Variants in TTC23 observed in about 807,000 individuals in gnomAD.
TTC23 encodes the protein tetratricopeptide repeat protein 23.
Under a neutral mutation model 55.1 loss-of-function variants are expected in TTC23, and 58 were observed. The observed-to-expected ratio is 1.05, with a 90% CI of 0.85 to 1.31. The LOEUF is 1.31. Ranked by LOEUF, TTC23 falls within the 50% of genes most tolerant of loss-of-function variation. The pLI, the probability that TTC23 is intolerant of heterozygous loss-of-function variation, is 0.00. For missense variants in TTC23, 516 were observed against 534.4 expected (o/e 0.97, Z 0.34); for synonymous variants, 203 against 199.9 (o/e 1.02, Z -0.13).
intron 8 of TTC23, among the ~76,000 whole-genome samples, chr15:99,217,697 CA>C (rs1275488614): frequency 6.6e-6 from 1 of 152,144 alleles, no homozygotes; most frequent in African/African-American, 2.4e-5. Context: ...AACAAAAGAA[CA>C]AAGGGAATTG....
intron 9 of TTC23, among the ~76,000 whole-genome samples, chr15:99,185,764 A>G (rs2074603308): frequency 6.6e-6 from 1 of 152,028 alleles, no homozygotes; most frequent in African/African-American, 2.4e-5. Flanking sequence ...TTTCTTCCGG[A>G]CCCCTGCGGC....
intron 6 of TTC23, 106 bp from the exon 7 acceptor site, chr15:99,219,154 C>A: frequency 1.6e-6 from 2 of 1,277,672 alleles, no homozygotes; most frequent in South Asian, 1.5e-5. Context: ...CACATATTGT[C>A]AAATGACACA....
chr15:99,175,059 C>T lies in TTC23; in HGVS notation c.856G>A (p.Glu286Lys), dbSNP rs766153676. 7.2e-5 allele frequency: 116 copies of T among 1,613,868 alleles called. No individual in the cohort carries two copies. Among genetic ancestry groups the T allele is most frequent in the Non-Finnish European group, 9.5e-5 (112 of 1,179,964 alleles). ...AHAAVASGRH[E>K]HHDVAEQYFQ... Reference sequence around the variant, plus strand: ...AAAGGATTCTTCTCACCATGGTGCTCGTGTCTCCCTGAAGCGACAGCAGCA... The same window carrying T: ...AAAGGATTCTTCTCACCATGGTGCTTGTGTCTCCCTGAAGCGACAGCAGCA... Residue 286 changes from glutamate to lysine, a missense_variant, in exon 10 of 14, where the codon GAG becomes AAG. Physicochemically the swap from Glu to Lys is moderately conservative, Grantham distance 56. Coordinates refer to ENST00000394132, the MANE Select transcript of TTC23 (RefSeq NM_001288615.3).
intron 8 of TTC23, among the ~76,000 whole-genome samples, chr15:99,200,337 C>G (rs927011719): frequency 6.6e-6 from 1 of 152,158 alleles, no homozygotes; most frequent in Non-Finnish European, 1.5e-5. Flanking sequence ...CTTCCAGTCA[C>G]TCAGTTTCCT....
rs782601808 is a variant in TTC23 at position 99,139,313 on chromosome 15, T to C, written c.1226+4A>G. The C allele has an allele frequency of 6.2e-7, 1 of 1,611,862 alleles. No individual in the cohort carries two copies. ...TAGAGAAAGTGTGAGGGACGCCAAC[T>C]CACGTGGACAGCATGCCCATGGCCT... On this transcript the variant is annotated splice_donor_region_variant and intron_variant, in intron 13 of 13. Coordinates refer to ENST00000394132, the MANE Select transcript of TTC23 (RefSeq NM_001288615.3).
intron 5 of TTC23, among the ~76,000 whole-genome samples, chr15:99,223,725 T>C (rs1289794771): frequency 1.3e-5 from 2 of 152,196 alleles, no homozygotes; most frequent in African/African-American, 4.8e-5. Context: ...TGGCAGCAGA[T>C]TCTCCAGACC....
intron 10 of TTC23, among the ~76,000 whole-genome samples, chr15:99,170,824 G>A (rs552069511): frequency 6.3e-4 from 96 of 152,334 alleles, no homozygotes; most frequent in Admixed American, 2.2e-3. Context: ...CCCCTGGCTG[G>A]GTGGTGCCTG....
chr15:99,182,238 TCTCTCTCTCTCA>T (rs1332213393), intron 9 of TTC23, among the ~76,000 whole-genome samples: 4 of 108,402 alleles, frequency 3.7e-5, no homozygotes, highest in Non-Finnish European at 7.4e-5. Flanking sequence ...TCTCTCTCTC[TCTCTCTCTCTCA>T]CACACACACA....
At chr15:99,146,746 C>T (rs8039637) in intron 12 of TTC23, among the ~76,000 whole-genome samples, 31,734 of 152,176 alleles carry the variant, frequency 0.21, 4,427 homozygotes, top group African/African-American at 0.4. Flanking sequence ...AAGTGTTTTT[C>T]CAAGGGATAG....
At chr15:99,177,585 T>C (rs1453655119) in intron 9 of TTC23, among the ~76,000 whole-genome samples, 1 of 152,256 alleles carries the variant, frequency 6.6e-6, no homozygotes, top group African/African-American at 2.4e-5. Context: ...TACTTTGCTT[T>C]TCCCCTACTA....
chr15:99,148,660 G>A (rs1024506654), intron 12 of TTC23: 8 of 152,174 alleles, frequency 5.3e-5, no homozygotes, highest in African/African-American at 1.9e-4. Flanking sequence ...CTCCTGAGAT[G>A]TTCCTGATCC....
At chr15:99,246,382 G>C (rs919987331) in intron 1 of TTC23, among the ~76,000 whole-genome samples, 3 of 151,422 alleles carry the variant, frequency 2.0e-5, no homozygotes, top group Admixed American at 1.3e-4. Context: ...TTGGGAGGCC[G>C]AGGTGGGCAA....
chr15:99,156,200 C>T lies in TTC23; in HGVS notation c.1091G>A (p.Gly364Glu). 6.2e-7 allele frequency: 1 copy of T among 1,614,234 alleles called. No homozygotes were observed. Among genetic ancestry groups the T allele is most frequent in the Admixed American group, 1.7e-5 (1 of 60,022 alleles). Residue 364 changes from glycine (G) to glutamate (E), a missense_variant, in exon 12 of 14, where the codon GGA becomes GAA. Gly to Glu is a moderately conservative substitution (Grantham distance 98). Transcript: ENST00000394132. ...GTGGTTCCCCTGCGCCAGGTCTGCT[C>T]CTCCCAGGAGCCGGTATGTCTCTGC... ...EVAETYRLLG[G>E]ADLAQGNHSG...
chr15:99,167,991 G>A (rs1216684880), intron 10 of TTC23, among the ~76,000 whole-genome samples: 1 of 152,162 alleles, frequency 6.6e-6, no homozygotes, highest in Non-Finnish European at 1.5e-5. Flanking sequence ...CCCTGCTGGG[G>A]GCTGCTGTTC....
intron 9 of TTC23, among the ~76,000 whole-genome samples, chr15:99,180,466 G>C (rs985593796): frequency 6.6e-6 from 1 of 152,218 alleles, no homozygotes; most frequent in African/African-American, 2.4e-5. Flanking sequence ...AGATTCCTCA[G>C]TGCCAATCAA....
intron 12 of TTC23, chr15:99,144,446 T>C (rs373183183): frequency 3.9e-5 from 6 of 152,224 alleles, no homozygotes; most frequent in African/African-American, 7.2e-5. Context: ...CAGCTGTTAC[T>C]CAGGGCCATT....
chr15:99,216,050 T>C (rs537873400), intron 8 of TTC23, among the ~76,000 whole-genome samples: 8 of 152,270 alleles, frequency 5.3e-5, no homozygotes, highest in Admixed American at 5.2e-4. Context: ...GTTAAGAAGA[T>C]ATGAGGCTGC....
At chr15:99,223,809 A>G (rs1596857214) in intron 5 of TTC23, among the ~76,000 whole-genome samples, 1 of 152,262 alleles carries the variant, frequency 6.6e-6, no homozygotes, top group Non-Finnish European at 1.5e-5. Flanking sequence ...CCGCAGGCTC[A>G]TGAGAAAAAT....
chr15:99,139,660 AT>A, intron 12 of TTC23: 1 of 1,432,592 alleles, frequency 7.0e-7, no homozygotes, highest in Non-Finnish European at 9.3e-7. Context: ...TAAAAGTAGT[AT>A]TTTTAAAAAT....
Sources: allele counts gnomAD v4.1 joint callset (sites outside exome capture counted in the v4.1 genomes callset), GRCh38; gene constraint gnomAD v4.1.1; transcripts MANE v1.5; gene names NCBI Gene and HGNC (gene_info 2026-07-23, HGNC 2026-07-21).